CNTNAP3: variants seen among roughly 807,000 people sequenced by gnomAD.
CNTNAP3 encodes the protein contactin associated protein family member 3, also known as contactin-associated protein-like 3.
In CNTNAP3, 36 loss-of-function variants were observed where a neutral mutation model predicts 92.1. That is an observed-to-expected ratio of 0.39 (90% CI 0.30 to 0.52). CNTNAP3 has a LOEUF of 0.52. Among genes scored for constraint, CNTNAP3 ranks in the 20% least tolerant of loss-of-function variants. CNTNAP3 has a pLI of 0.76. For missense variants in CNTNAP3, 534 were observed against 1,069.6 expected (o/e 0.50, Z 6.98); for synonymous variants, 232 against 422.3 (o/e 0.55, Z 5.53).
chr9:39,162,693 T>A (rs540934449), intron 9 of CNTNAP3, among the ~76,000 whole-genome samples: 2 of 131,430 alleles, frequency 1.5e-5, no homozygotes, highest in South Asian at 2.4e-4. Flanking sequence ...GAGGCCATTA[T>A]CCAAAGTGAA....
At chr9:39,149,779 G>A (rs1463639951) in intron 10 of CNTNAP3, 27 bp downstream of exon 10, 2 of 1,457,204 alleles carry the variant, frequency 1.4e-6, no homozygotes, top group African/African-American at 1.4e-5. Flanking sequence ...AAACAGGCAA[G>A]CTAAAGTGAC....
At chr9:39,128,900 T>C (rs1758257) in intron 13 of CNTNAP3, among the ~76,000 whole-genome samples, 2 of 151,166 alleles carry the variant, frequency 1.3e-5, no homozygotes, top group Non-Finnish European at 2.9e-5. Context: ...ACAGCACTTA[T>C]AATCAATCAA....
At chr9:39,123,936 T>A (rs2118000564) in intron 13 of CNTNAP3, among the ~76,000 whole-genome samples, 1 of 151,630 alleles carries the variant, frequency 6.6e-6, no homozygotes, top group African/African-American at 2.4e-5. Flanking sequence ...TAATAGAAGT[T>A]CCTCAGAGAA....
rs537869443 is a variant in CNTNAP3, at chr9:39,120,312, G to C, written c.2081-2053C>G. On this transcript the variant is annotated intron_variant, in intron 13 of 23. Transcript: ENST00000297668. ...GGAATGGCATATTTTTTTCAGGGCT[G>C]ATAGAAAAGAATTGTCAACTATAAA... Among the ~76,000 whole-genome samples, 3 of 152,244 alleles carry C rather than the reference G, an allele frequency of 2.0e-5. No homozygotes were observed. In the South Asian group the frequency reaches 6.2e-4, roughly 32 times the overall value.
chr9:39,097,112 T>C (rs1826343827), intron 18 of CNTNAP3, among the ~76,000 whole-genome samples: 1 of 152,174 alleles, frequency 6.6e-6, no homozygotes, highest in Non-Finnish European at 1.5e-5. Flanking sequence ...TGCTTCAAGT[T>C]TGCTGACTCT....
intron 13 of CNTNAP3, among the ~76,000 whole-genome samples, chr9:39,127,786 A>C (rs1331888819): frequency 6.6e-6 from 1 of 152,130 alleles, no homozygotes; most frequent in Non-Finnish European, 1.5e-5. Context: ...TACTGAAAAA[A>C]AAATCTCTTG....
intron 12 of CNTNAP3, among the ~76,000 whole-genome samples, chr9:39,138,848 A>G (rs905035533): frequency 3.9e-5 from 6 of 152,112 alleles, no homozygotes; most frequent in African/African-American, 9.7e-5. Flanking sequence ...CTGTCTCTCC[A>G]ATTTTGAGGG....
intron 23 of CNTNAP3, among the ~76,000 whole-genome samples, chr9:39,075,935 C>T (rs1384164298): frequency 4.6e-5 from 7 of 152,412 alleles, no homozygotes; most frequent in African/African-American, 1.7e-4. Flanking sequence ...CTCCCCCACG[C>T]TTTTACTGCC....
chr9:39,120,012 G>C (rs2183895), intron 13 of CNTNAP3, among the ~76,000 whole-genome samples: 8 of 152,146 alleles, frequency 5.3e-5, no homozygotes, highest in Non-Finnish European at 8.8e-5. Context: ...AAAGAGAGAA[G>C]AAAGTGTGCT....
intron 11 of CNTNAP3, among the ~76,000 whole-genome samples, chr9:39,142,158 T>C (rs1043781895): frequency 4.6e-5 from 7 of 152,198 alleles, no homozygotes; most frequent in African/African-American, 9.6e-5. Context: ...ATATAACTCA[T>C]TGATTAATTG....
At chr9:39,107,463 A>G (rs1355958440) in intron 15 of CNTNAP3, among the ~76,000 whole-genome samples, 1 of 152,172 alleles carries the variant, frequency 6.6e-6, no homozygotes, top group Non-Finnish European at 1.5e-5. Flanking sequence ...ACACAAGGAA[A>G]GAAAAATTTC....
chr9:39,137,159 T>C (rs1443828300), intron 12 of CNTNAP3, among the ~76,000 whole-genome samples: 4 of 151,992 alleles, frequency 2.6e-5, no homozygotes, highest in African/African-American at 9.7e-5. Flanking sequence ...TCAGATATTA[T>C]GTTCTGGGTT....
In CNTNAP3 at chr9:39,138,452, AAAAAC is replaced by A. The variant is rs3071890; in HGVS notation, c.1876+2062_1876+2066del. Among the ~76,000 whole-genome samples, 614 of 152,336 alleles carry A rather than the reference AAAAAC, an allele frequency of 4.0e-3. 1 individual carries two copies. Among genetic ancestry groups the A allele is most frequent in the African/African-American group, 0.013 (561 of 41,564 alleles). ...CCAGGCAGGTTAGGCTCTGAAAACAAAAAACAAAACAAAACAAAACAAAACAAGAA... is the reference window on the plus strand; with the variant it reads ...CCAGGCAGGTTAGGCTCTGAAAACAAAAAACAAAACAAAACAAAACAAGAA... On this transcript the variant is annotated intron_variant, in intron 12 of 23. Coordinates refer to ENST00000297668, the MANE Select transcript of CNTNAP3 (RefSeq NM_033655.5).
At chr9:39,098,953 A>C (rs1826388192) in intron 18 of CNTNAP3, among the ~76,000 whole-genome samples, 2 of 151,286 alleles carry the variant, frequency 1.3e-5, no homozygotes, top group Admixed American at 6.6e-5. Flanking sequence ...TTAATACTAA[A>C]ATCAGTCCCT....
At position 39,134,102 on chromosome 9, in the gene CNTNAP3, G is replaced by A. The variant is rs991822071; in HGVS notation, c.1877-967C>T. The stretch of plus-strand genomic sequence containing the variant: ...CTAATGGCTTGGCTGCTAACTGTGC[G>A]TAAGACAAATTTCACAGCCTTACTG... On this transcript the variant is annotated intron_variant, in intron 12 of 23. Coordinates refer to ENST00000297668, the MANE Select transcript of CNTNAP3 (RefSeq NM_033655.5). Among the ~76,000 whole-genome samples the A allele has an allele frequency of 1.5e-4, 23 of 152,202 alleles. 1 individual carries two copies. Among genetic ancestry groups the A allele is most frequent in the Non-Finnish European group, 3.2e-4 (22 of 68,016 alleles).
rs1415993493 is a variant in CNTNAP3 at position 39,287,659 on chromosome 9, A to G, written c.85+321T>C. On this transcript the variant is annotated intron_variant, in intron 1 of 23. Coordinates refer to ENST00000297668, the MANE Select transcript of CNTNAP3 (RefSeq NM_033655.5). Reference sequence around the variant, plus strand: ...AAATATTACAATCCTAAAAAGGAATAAATGACAGCATTTGCACGCTAATCT... The same window carrying G: ...AAATATTACAATCCTAAAAAGGAATGAATGACAGCATTTGCACGCTAATCT... Among the ~76,000 whole-genome samples the G allele has an allele frequency of 3.6e-5, 2 of 55,772 alleles. 1 individual carries two copies. Among genetic ancestry groups the G allele is most frequent in the Admixed American group, 3.9e-4 (2 of 5,114 alleles). The allele number at this position is 55,772 out of a possible 152,430, so 36.6% of individuals were successfully genotyped here.
intron 23 of CNTNAP3, among the ~76,000 whole-genome samples, chr9:39,076,378 G>A: frequency 1.3e-5 from 2 of 152,310 alleles, no homozygotes; most frequent in Non-Finnish European, 2.9e-5. Flanking sequence ...GATTGGATTT[G>A]ATTTAAAATT....
chr9:39,094,185 T>C (rs1251479876), intron 18 of CNTNAP3, among the ~76,000 whole-genome samples: 1 of 151,622 alleles, frequency 6.6e-6, no homozygotes, highest in African/African-American at 2.4e-5. Context: ...TGGAGAAATG[T>C]CTCATCAAGT....
rs558772012 is a variant in CNTNAP3, at chr9:39,135,602, C to T, written c.1877-2467G>A. ...ATTGGAATTAACAGTACAGATGTTC[C>T]TCAATTTATGATGAAGTTGCATCCA... is the stretch of plus-strand genomic sequence containing the variant. On this transcript the variant is annotated intron_variant, in intron 12 of 23. Transcript: ENST00000297668. 9.9e-5 allele frequency among the ~76,000 whole-genome samples: 15 copies of T among 152,186 alleles called. No individual in the cohort carries two copies. In the East Asian group the frequency reaches 2.7e-3, roughly 27 times the overall value.
Sources: gnomAD v4.1 joint callset for allele counts (sites outside exome capture counted in the v4.1 genomes callset) on GRCh38, gnomAD v4.1.1 for gene constraint, MANE v1.5 for transcripts, NCBI Gene and HGNC (gene_info 2026-07-23, HGNC 2026-07-21) for gene names.